DGKH: variants seen among roughly 807,000 people sequenced by gnomAD.
DGKH encodes the protein DAG kinase eta.
A neutral mutation model predicts 159.3 loss-of-function variants in DGKH; 90 were observed. That is an observed-to-expected ratio of 0.57 (90% confidence interval 0.48 to 0.67). DGKH has a LOEUF of 0.67. Among genes scored for constraint, DGKH ranks in the 30% least tolerant of loss-of-function variants. DGKH has a pLI of 0.00. For synonymous variants in DGKH, 536 were observed against 553.8 expected, an observed-to-expected ratio of 0.97 and a Z score of 0.45; for missense variants, 1,181 against 1,506.1, an observed-to-expected ratio of 0.78 and a Z score of 3.57.
chr13:42,140,828 C>T (rs1467234837), intron 3 of DGKH: 3 of 151,796 alleles, frequency 2.0e-5, no homozygotes, highest in African/African-American at 7.3e-5. Context: ...CTGTAAAAGA[C>T]AATGGCTTGT....
chr13:42,194,382 C>T (rs1197433349), intron 16 of DGKH, among the ~76,000 whole-genome samples: 1 of 152,212 alleles, frequency 6.6e-6, no homozygotes, highest in African/African-American at 2.4e-5. Flanking sequence ...ATCCTCCTGC[C>T]TTAGCCTCCC....
chr13:42,234,042 C>T lies in DGKH; in HGVS notation c.*4854C>T, dbSNP rs1958361590. On this transcript the variant is annotated 3_prime_UTR_variant, in exon 30 of 30. Transcript: ENST00000337343. ...GCTAGATTTAGATCTGTTTTCCTTACACTCACTTATCTTGATGTTCACATG... is the reference window on the plus strand; with the variant it reads ...GCTAGATTTAGATCTGTTTTCCTTATACTCACTTATCTTGATGTTCACATG... The T allele has an allele frequency of 6.6e-6, 1 of 152,202 alleles. No homozygotes were observed. Among genetic ancestry groups the T allele is most frequent in the Admixed American group, 6.5e-5 (1 of 15,270 alleles). The allele number at this position is 152,202 out of a possible 1,614,324, so 9.4% of individuals were successfully genotyped here.
chr13:42,229,040 T>C (rs1958220979), intron 29 of DGKH, 59 bp from the exon 30 acceptor site: 14 of 1,437,674 alleles, frequency 9.7e-6, no homozygotes, highest in Non-Finnish European at 1.3e-5. Flanking sequence ...AAAATTTTCT[T>C]TCTGTGTTTT....
At chr13:42,146,678 T>A (rs2137912243) in intron 3 of DGKH, among the ~76,000 whole-genome samples, 1 of 152,336 alleles carries the variant, frequency 6.6e-6, no homozygotes, top group Non-Finnish European at 1.5e-5. Context: ...AATTGTAAGA[T>A]GTTACTCTGT....
chr13:42,062,247 C>T (rs1018427608), intron 1 of DGKH, among the ~76,000 whole-genome samples: 2 of 152,190 alleles, frequency 1.3e-5, no homozygotes, highest in Non-Finnish European at 2.9e-5. Context: ...CCAAGTGTTA[C>T]AGGTATCTCC....
At chr13:42,147,253 T>C (rs1209056166) in intron 3 of DGKH, among the ~76,000 whole-genome samples, 1 of 152,182 alleles carries the variant, frequency 6.6e-6, no homozygotes, top group Non-Finnish European at 1.5e-5. Context: ...AGACTTCAGG[T>C]CCAGACATGG....
intron 12 of DGKH, among the ~76,000 whole-genome samples, chr13:42,177,148 G>A (rs1456934214): frequency 6.6e-6 from 1 of 152,184 alleles, no homozygotes; most frequent in African/African-American, 2.4e-5. Flanking sequence ...CCACCCGTCA[G>A]TGTTCAAGTA....
At chr13:42,246,744 C>T (rs950499907), downstream of DGKH, among the ~76,000 whole-genome samples, 18 of 152,310 alleles carry the variant, frequency 1.2e-4, no homozygotes, top group Non-Finnish European at 2.4e-4. Flanking sequence ...GCCTCCCGCG[C>T]ACCCTAATCC....
In DGKH at chr13:42,242,776, T is replaced by A. The variant is rs1958537989; in HGVS notation, c.*13588T>A. 6.6e-6 allele frequency: 1 copy of A among 152,192 alleles called. No individual in the cohort carries two copies. The highest frequency in any genetic ancestry group is 2.1e-4 in the South Asian group (1 of 4,830). 9.4% of individuals were successfully genotyped at this position (152,192 alleles called of 1,614,324 possible). On this transcript the variant is annotated 3_prime_UTR_variant, in exon 30 of 30. Transcript: ENST00000337343. ...TGTACGGAAGTCACTGACGTGTGTA[T>A]TTTTGTACTTTGCTGAAAGTAATGG...
Position 42,220,642 on chromosome 13 carries a change from T to C in DGKH, c.3443-622T>C, listed in dbSNP as rs1041877590. ...TTAAGCTAATCAATGTTGAATAAAA[T>C]GTATAAGCAAATGATACACACTGAA... On this transcript the variant is annotated intron_variant, in intron 28 of 29. Transcript: ENST00000337343. Among the ~76,000 whole-genome samples the C allele has an allele frequency of 2.6e-5, 4 of 152,178 alleles. No individual in the cohort carries two copies. The East Asian group carries it at 7.7e-4, about 29-fold the overall frequency.
chr13:42,155,189 A>G, intron 3 of DGKH, 102 bp from the exon 4 acceptor site: 1 of 883,472 alleles, frequency 1.1e-6, no homozygotes, highest in South Asian at 2.0e-5. Flanking sequence ...GTAAGAAATA[A>G]AGACTCAAGT....
intron 13 of DGKH, among the ~76,000 whole-genome samples, chr13:42,180,075 C>A (rs941538916): frequency 3.3e-5 from 5 of 152,202 alleles, no homozygotes; most frequent in African/African-American, 9.6e-5. Flanking sequence ...AAAAATAATT[C>A]TCTTATGACT....
intron 23 of DGKH, among the ~76,000 whole-genome samples, chr13:42,209,993 A>ATTT (rs34470988): frequency 3.0e-5 from 4 of 132,766 alleles, no homozygotes; most frequent in Non-Finnish European, 4.7e-5. Flanking sequence ...GCAATCATTG[A>ATTT]TTTTTTTTTT....
chr13:42,070,286 T>G, intron 1 of DGKH: 1 of 1,250,202 alleles, frequency 8.0e-7, no homozygotes, highest in Non-Finnish European at 1.2e-6. Flanking sequence ...GTCATGTGAT[T>G]TCTAATGTAA....
intron 11 of DGKH, among the ~76,000 whole-genome samples, chr13:42,169,963 G>GA (rs1956404271): frequency 1.3e-5 from 2 of 152,146 alleles, no homozygotes; most frequent in Admixed American, 1.3e-4. Flanking sequence ...TAGTTAGCTT[G>GA]ATTGTGTTGT....
intron 3 of DGKH, among the ~76,000 whole-genome samples, chr13:42,139,574 A>G (rs569647155): frequency 6.6e-6 from 1 of 152,336 alleles, no homozygotes; most frequent in South Asian, 2.1e-4. Context: ...GCTCCTGCTC[A>G]GTAACCTTCA....
intron 1 of DGKH, among the ~76,000 whole-genome samples, chr13:42,054,888 GA>G (rs1013490406): frequency 6.7e-6 from 1 of 148,946 alleles, no homozygotes. Context: ...CCTTAGTAAA[GA>G]AAAAGAAAAA....
Position 42,041,038 on chromosome 13 carries a change from C to G in DGKH, c.-13+912C>G, listed in dbSNP as rs549166728. On this transcript the variant is annotated intron_variant, in intron 1 of 29. Transcript: ENST00000379274. ...CAGGAAATGGCCCGGGATGAGGTCC[C>G]CAGCTGCTTCCCAGCCGGGTTAGCG... 2.1e-4 allele frequency among the ~76,000 whole-genome samples: 32 copies of G among 151,984 alleles called. No homozygotes were observed. The South Asian group carries it at 6.4e-3, about 31-fold the overall frequency.
chr13:42,207,695 G>GTATATATATA lies in DGKH; in HGVS notation c.2602-1252_2602-1243dup, dbSNP rs55668821. Among the ~76,000 whole-genome samples, 251 of 140,270 alleles carry GTATATATATA rather than the reference G, an allele frequency of 1.8e-3. 3 individuals carry two copies. In the East Asian group the frequency reaches 0.052, roughly 29 times the overall value. 92.0% of individuals were successfully genotyped at this position (140,270 alleles called of 152,430 possible). ...AGAGAGGGCACAATTATTAAAGTGT[G>GTATATATATA]TATATATATATATATATATATCAGT... On this transcript the variant is annotated intron_variant, in intron 21 of 29. Coordinates refer to ENST00000337343, the MANE Select transcript of DGKH (RefSeq NM_178009.5).
Sources: allele counts gnomAD v4.1 joint callset (sites outside exome capture counted in the v4.1 genomes callset), GRCh38; gene constraint gnomAD v4.1.1; transcripts MANE v1.5; gene names NCBI Gene and HGNC (gene_info 2026-07-23, HGNC 2026-07-21).